The following MACROD2 variants were observed in gnomAD, a reference collection of about 807,000 sequenced individuals.
MACROD2 encodes the protein ADP-ribose glycohydrolase MACROD2.
MACROD2 carries 36 observed loss-of-function variants against 70.4 expected under a neutral mutation model. That is an observed-to-expected ratio of 0.51 (90% CI 0.39 to 0.68). MACROD2 has a LOEUF of 0.68. Ranked by LOEUF, MACROD2 falls within the 30% of genes least tolerant of loss-of-function variation. The pLI, the probability that MACROD2 is intolerant of heterozygous loss-of-function variation, is 0.00. For missense variants in MACROD2, 496 were observed against 538.4 expected (o/e 0.92, Z 0.78); for synonymous variants, 172 against 178.8 (o/e 0.96, Z 0.30).
chr20:14,700,027 G>C lies in MACROD2; in HGVS notation c.418+15068G>C, dbSNP rs562810611. 5.5e-5 allele frequency among the ~76,000 whole-genome samples: 8 copies of C among 146,210 alleles called. No individual in the cohort carries two copies. The East Asian group carries it at 1.6e-3, about 29-fold the overall frequency. On this transcript the variant is annotated intron_variant, in intron 5 of 17. Transcript: ENST00000684519. ...AGAAGTTTAAAGTTTAAATCTAGAA[G>C]TTTAAAGTTTAAAGTTTAAATCTAG...
At chr20:14,601,479 G>C (rs1214723514) in intron 4 of MACROD2, among the ~76,000 whole-genome samples, 1 of 151,980 alleles carries the variant, frequency 6.6e-6, no homozygotes, top group East Asian at 1.9e-4. Flanking sequence ...CCCTGGTATA[G>C]ATAAGCCACA....
intron 15 of MACROD2, among the ~76,000 whole-genome samples, chr20:16,003,187 A>C (rs2066739054): frequency 6.6e-6 from 1 of 151,890 alleles, no homozygotes; most frequent in Non-Finnish European, 1.5e-5. Context: ...TCTGGATGGA[A>C]GTTCTTAAAA....
intron 8 of MACROD2, among the ~76,000 whole-genome samples, chr20:15,687,303 A>T (rs939217518): frequency 2.0e-5 from 3 of 149,636 alleles, no homozygotes; most frequent in East Asian, 3.9e-4. Flanking sequence ...TATATATTTT[A>T]TATATATATA....
intron 5 of MACROD2, among the ~76,000 whole-genome samples, chr20:15,180,336 T>C (rs1195222723): frequency 6.6e-6 from 1 of 152,248 alleles, no homozygotes; most frequent in Non-Finnish European, 1.5e-5. Context: ...CTCAGTCTAA[T>C]TGAATTCGTA....
At chr20:14,614,578 T>G (rs1043646519) in intron 4 of MACROD2, among the ~76,000 whole-genome samples, 4 of 152,134 alleles carry the variant, frequency 2.6e-5, no homozygotes, top group African/African-American at 4.8e-5. Context: ...CATTACTTCT[T>G]TTTATACATC....
intron 10 of MACROD2, among the ~76,000 whole-genome samples, chr20:15,906,152 G>C (rs1478821110): frequency 6.6e-6 from 1 of 152,222 alleles, no homozygotes. Context: ...GAATGTTTTT[G>C]CTGAGTGCTT....
intron 3 of MACROD2, among the ~76,000 whole-genome samples, chr20:14,103,751 T>G (rs1188061818): frequency 6.6e-6 from 1 of 152,222 alleles, no homozygotes; most frequent in Non-Finnish European, 1.5e-5. Flanking sequence ...AATACAATAC[T>G]TTTTATATGT....
intron 8 of MACROD2, among the ~76,000 whole-genome samples, chr20:15,786,438 T>C (rs939588615): frequency 6.6e-6 from 1 of 152,156 alleles, no homozygotes; most frequent in African/African-American, 2.4e-5. Flanking sequence ...GAAAAAAATA[T>C]CACATTTCTA....
intron 3 of MACROD2, among the ~76,000 whole-genome samples, chr20:14,230,699 A>ATATATATATATATATATATATATATG (rs2081801953): frequency 8.8e-6 from 1 of 113,228 alleles, no homozygotes; most frequent in Non-Finnish European, 1.8e-5. Flanking sequence ...ATATATATAT[A>ATATATATATATATATATATATATATG]TGGGCCCAGC....
chr20:14,064,955 C>A (rs1242694865), intron 2 of MACROD2, among the ~76,000 whole-genome samples: 1 of 152,070 alleles, frequency 6.6e-6, no homozygotes, highest in Non-Finnish European at 1.5e-5. Flanking sequence ...GTACTAGAGC[C>A]AAAGAAAATG....
chr20:14,905,288 C>T (rs149551060), intron 5 of MACROD2: 30 of 152,182 alleles, frequency 2.0e-4, no homozygotes, highest in African/African-American at 7.0e-4. Flanking sequence ...GAGAGACATT[C>T]AATTCAGAAA....
intron 4 of MACROD2, among the ~76,000 whole-genome samples, chr20:14,573,099 G>A (rs6131595): frequency 0.1 from 15,934 of 151,760 alleles, 1,230 homozygotes; most frequent in South Asian, 0.33. Flanking sequence ...TGATATGAAG[G>A]TGTTGTAGCC....
chr20:15,450,603 A>G (rs1477380638), intron 7 of MACROD2, among the ~76,000 whole-genome samples: 1 of 152,144 alleles, frequency 6.6e-6, no homozygotes, highest in African/African-American at 2.4e-5. Flanking sequence ...CAGTTTTAAT[A>G]TAGTCTCCAG....
chr20:15,913,798 C>A (rs2065270790), intron 10 of MACROD2, among the ~76,000 whole-genome samples: 1 of 152,118 alleles, frequency 6.6e-6, no homozygotes, highest in Non-Finnish European at 1.5e-5. Context: ...CGTAAAGTCT[C>A]ATATTTATTT....
intron 8 of MACROD2, among the ~76,000 whole-genome samples, chr20:15,639,475 C>A (rs1368988240): frequency 6.6e-6 from 1 of 152,202 alleles, no homozygotes; most frequent in Non-Finnish European, 1.5e-5. Context: ...TCAGCCCCCA[C>A]TGTAGTGCAG....
At position 15,754,683 on chromosome 20, in the gene MACROD2, C is replaced by CTTTTTT. The variant is rs536927554; in HGVS notation, c.646-108049_646-108044dup. On this transcript the variant is annotated intron_variant, in intron 8 of 17. Coordinates refer to ENST00000684519, the MANE Select transcript of MACROD2 (RefSeq NM_001351661.2). The stretch of plus-strand genomic sequence containing the variant: ...CTTGGTTAGAAAGAATCTATTCAAT[C>CTTTTTT]TTTTTTTTTTTTTTTTTTAAGTGCC... Among the ~76,000 whole-genome samples the CTTTTTT allele has an allele frequency of 2.9e-3, 390 of 132,718 alleles. 2 individuals are homozygous for CTTTTTT. Among genetic ancestry groups the CTTTTTT allele is most frequent in the African/African-American group, 0.011 (381 of 35,976 alleles). 87.1% of individuals were successfully genotyped at this position (132,718 alleles called of 152,430 possible). A position where few individuals can be genotyped will look rare whatever the true frequency, so the allele number is the denominator to read the frequency against.
chr20:14,196,551 A>C (rs2081434295), intron 3 of MACROD2, among the ~76,000 whole-genome samples: 2 of 152,234 alleles, frequency 1.3e-5, no homozygotes, highest in African/African-American at 2.4e-5. Context: ...TCTGACACCA[A>C]ATATTAGTTT....
chr20:14,806,808 G>A (rs2072644673), intron 5 of MACROD2, among the ~76,000 whole-genome samples: 1 of 152,122 alleles, frequency 6.6e-6, no homozygotes, highest in Admixed American at 6.6e-5. Context: ...CCTTCACACT[G>A]TAAACAAAGC....
chr20:14,762,657 C>T (rs557664569), intron 5 of MACROD2, among the ~76,000 whole-genome samples: 1 of 152,206 alleles, frequency 6.6e-6, no homozygotes, highest in East Asian at 1.9e-4. Context: ...AGGCCAGGTG[C>T]AGTGGCTCAT....
Sources: gnomAD v4.1 joint callset for allele counts (sites outside exome capture counted in the v4.1 genomes callset) on GRCh38, gnomAD v4.1.1 for gene constraint, MANE v1.5 for transcripts, NCBI Gene and HGNC (gene_info 2026-07-23, HGNC 2026-07-21) for gene names.